The following PIWIL1 variants were observed in gnomAD, a reference collection of about 807,000 sequenced individuals.
PIWIL1 encodes the protein piwi-like protein 1.
In PIWIL1, 73 loss-of-function variants were observed where a neutral mutation model predicts 114.4. The ratio of observed to expected loss-of-function variants is 0.64; its 90% CI spans 0.53 to 0.78. PIWIL1 has a LOEUF of 0.78. PIWIL1 is among the 30% of genes least tolerant of loss of function. PIWIL1 has a pLI of 0.00. For missense variants in PIWIL1, 723 were observed against 1,063.1 expected (o/e 0.68, Z 4.45); for synonymous variants, 375 against 369.0 (o/e 1.02, Z -0.19).
In PIWIL1 at chr12:130,354,531, G is replaced by T. The variant is rs763709895; in HGVS notation, c.1045-6G>T. 6.2e-7 allele frequency: 1 copy of T among 1,614,092 alleles called. No individual in the cohort carries two copies. Among genetic ancestry groups the T allele is most frequent in the South Asian group, 1.1e-5 (1 of 91,074 alleles). On this transcript the variant is annotated splice_polypyrimidine_tract_variant and splice_region_variant and intron_variant, in intron 9 of 20. Transcript: ENST00000245255. ...GTGAACAGCGACCCTTTCGTCTCTT[G>T]AGCAGCAATACAACCAAGAGATCAC... is the stretch of plus-strand genomic sequence containing the variant.
chr12:130,353,949 A>AT (rs1392484547), intron 9 of PIWIL1, among the ~76,000 whole-genome samples: 13 of 152,014 alleles, frequency 8.6e-5, no homozygotes, highest in African/African-American at 2.9e-4. Context: ...AAAGAATGTC[A>AT]TTTTTTATTG....
the PIWIL1 span, chr12:130,422,412 C>T: frequency 2.1e-6 from 3 of 1,411,670 alleles, no homozygotes; most frequent in Non-Finnish European, 3.0e-6. This position sits in a 1 kb window ranked among gnomAD's most constrained non-coding sequence, Gnocchi z 5.2. Context: ...GCCACATGCT[C>T]CGCGGCTGAA....
the PIWIL1 span, chr12:130,407,629 A>G: frequency 4.2e-6 from 4 of 947,126 alleles, no homozygotes; most frequent in East Asian, 9.6e-5. Flanking sequence ...GAGAGAAGGA[A>G]TGAGGAGGTG....
chr12:130,355,736 A>G (rs965852827), intron 12 of PIWIL1, 69 bp downstream of exon 12: 1 of 1,081,676 alleles, frequency 9.2e-7, no homozygotes, highest in Non-Finnish European at 1.4e-6. Context: ...CCCAGGCAGG[A>G]GTACAGTGGT....
chr12:130,414,476 A>G, the PIWIL1 span: 1 of 600,000 alleles, frequency 1.7e-6, no homozygotes, highest in Non-Finnish European at 2.8e-6. Flanking sequence ...GGTCAGATGA[A>G]TTGGAGAAGC....
At chr12:130,344,145 C>A (rs1183890393) in intron 3 of PIWIL1, among the ~76,000 whole-genome samples, 1 of 152,178 alleles carries the variant, frequency 6.6e-6, no homozygotes, top group East Asian at 1.9e-4. Flanking sequence ...TGTTTATATT[C>A]AGAAACTGGC....
chr12:130,337,933 C>T lies in PIWIL1; in HGVS notation c.-226C>T. 1 of 161,344 alleles carries T rather than the reference C, an allele frequency of 6.2e-6. No homozygotes were observed. Among genetic ancestry groups the T allele is most frequent in the Non-Finnish European group, 1.3e-5 (1 of 74,412 alleles). The allele number at this position is 161,344 out of a possible 1,614,324, so 10.0% of individuals were successfully genotyped here. A position where few individuals can be genotyped will look rare whatever the true frequency, so the allele number is the denominator to read the frequency against. The stretch of plus-strand genomic sequence containing the variant: ...AGACACGAGGCCGGCGCCCGGGAGG[C>T]GGTGTTCATCCGCCCGGGAAAAGAG... On this transcript the variant is annotated 5_prime_UTR_variant, in exon 1 of 21. Transcript: ENST00000245255.
chr12:130,417,709 A>AC, the PIWIL1 span, among the ~76,000 whole-genome samples: 1 of 152,266 alleles, frequency 6.6e-6, no homozygotes, highest in Non-Finnish European at 1.5e-5. Flanking sequence ...CTGCACATGT[A>AC]CCCCAGTGAA....
the PIWIL1 span, among the ~76,000 whole-genome samples, chr12:130,414,979 G>T: frequency 6.6e-6 from 1 of 152,126 alleles, no homozygotes; most frequent in Non-Finnish European, 1.5e-5. Flanking sequence ...AACATACAAA[G>T]AAGAGCTGGT....
the PIWIL1 span, chr12:130,407,859 C>A: frequency 6.3e-7 from 1 of 1,585,236 alleles, no homozygotes; most frequent in South Asian, 1.1e-5. Flanking sequence ...GAAAGAAATC[C>A]ATCATGAGGT....
chr12:130,391,930 G>A, the PIWIL1 span, among the ~76,000 whole-genome samples: 2 of 152,282 alleles, frequency 1.3e-5, no homozygotes, highest in Non-Finnish European at 2.9e-5. Flanking sequence ...AATATTCAAT[G>A]TGATGACCCG....
the PIWIL1 span, among the ~76,000 whole-genome samples, chr12:130,380,283 TCCAAGCAGTAAC>T: frequency 6.6e-5 from 10 of 152,220 alleles, no homozygotes; most frequent in African/African-American, 1.7e-4. Context: ...CCAGTTCCCA[TCCAAGCAGTAAC>T]CATTGTTTGG....
At chr12:130,349,818 T>C (rs775801975) in intron 8 of PIWIL1, 38 bp from the exon 9 acceptor site, 1 of 1,163,750 alleles carries the variant, frequency 8.6e-7, no homozygotes, top group Admixed American at 2.0e-5. Flanking sequence ...GTTCTTCACA[T>C]TTCCATCAAA....
the PIWIL1 span, chr12:130,426,029 C>T: frequency 2.0e-5 from 3 of 152,318 alleles, no homozygotes; most frequent in East Asian, 1.9e-4. Context: ...AATATTGGAG[C>T]GAATAAGGAC....
rs2072970711 is a variant in PIWIL1, at chr12:130,343,089, G to A, written c.178G>A (p.Ala60Thr). The stretch of plus-strand genomic sequence containing the variant: ...GCAGAGAGGAACAGCAGGAGGAACA[G>A]CCAAGTCACAAGGTGAAGAGAAAGT... ...GRQRGTAGGT[A>T]KSQGLQISAG... The change falls in exon 3 of 21, where the codon GCC becomes ACC. Residue 60 changes from alanine (A) to threonine (T), a missense_variant. Around this residue, in one of 8 missense-constraint regions of PIWIL1, gnomAD observed 190 missense variants for 294.4 expected, o/e 0.65. Transcript: ENST00000245255. 1 of 1,612,456 alleles carries A rather than the reference G, an allele frequency of 6.2e-7. No individual in the cohort carries two copies. The highest frequency in any genetic ancestry group is 1.3e-5 in the African/African-American group (1 of 74,904).
rs557451447 is a variant in PIWIL1, at chr12:130,346,662, T to A, written c.531+78T>A. 2.4e-5 allele frequency: 29 copies of A among 1,222,560 alleles called. No homozygotes were observed. In the South Asian group the frequency reaches 3.3e-4, roughly 14 times the overall value. The allele number at this position is 1,222,560 out of a possible 1,614,324, so 75.7% of individuals were successfully genotyped here. On this transcript the variant is annotated intron_variant, in intron 5 of 20. Transcript: ENST00000245255. ...CAATGTAAGATAGCTCACATGGCTT[T>A]TAGAGAGGCCCCAGGAGTCTCCTGT...
intron 6 of PIWIL1, 44 bp from the exon 7 acceptor site, chr12:130,348,059 A>G (rs1290140057): frequency 3.2e-6 from 4 of 1,263,378 alleles, no homozygotes; most frequent in Non-Finnish European, 4.6e-6. Flanking sequence ...TTGTCGTATT[A>G]GAGATACTTA....
At chr12:130,377,258 G>T (rs1406170016), downstream of PIWIL1, among the ~76,000 whole-genome samples, 1 of 152,202 alleles carries the variant, frequency 6.6e-6, no homozygotes, top group Non-Finnish European at 1.5e-5. Flanking sequence ...TTATTGAACG[G>T]ATAGGTGAAT....
the PIWIL1 span, chr12:130,422,389 G>T: frequency 8.6e-7 from 1 of 1,169,494 alleles, no homozygotes; most frequent in Non-Finnish European, 1.3e-6. This position sits in a 1 kb window ranked among gnomAD's most constrained non-coding sequence, Gnocchi z 5.2. Context: ...TTCATGCTTA[G>T]ATGGAGTAAG....
Sources: gnomAD v4.1 joint callset for allele counts (sites outside exome capture counted in the v4.1 genomes callset) on GRCh38, gnomAD v4.1.1 for gene constraint, gnomAD v4.1.1 regional missense constraint, Gnocchi (gnomAD v3.1) non-coding constraint, MANE v1.5 for transcripts, NCBI Gene and HGNC (gene_info 2026-07-23, HGNC 2026-07-21) for gene names.